PBX3: variants seen among roughly 807,000 people sequenced by gnomAD.
PBX3 encodes pre-B-cell leukemia transcription factor 3.
Under a neutral mutation model 48.5 loss-of-function variants are expected in PBX3, and 14 were observed. The observed-to-expected ratio is 0.29, with a 90% CI of 0.19 to 0.45. The LOEUF is 0.45. Among genes scored for constraint, PBX3 ranks in the 20% least tolerant of loss-of-function variants. PBX3 has a pLI of 1.00. For synonymous variants in PBX3, 210 were observed against 200.3 expected, an observed-to-expected ratio of 1.05 and a Z score of -0.41; for missense variants, 386 against 546.7, an observed-to-expected ratio of 0.71 and a Z score of 2.93.
chr9:125,943,441 G>A (rs1842005466), intron 5 of PBX3, among the ~76,000 whole-genome samples: 1 of 145,820 alleles, frequency 6.9e-6, no homozygotes, highest in Admixed American at 6.9e-5. Flanking sequence ...GGGTTTTTGA[G>A]TTTCCCTATA....
rs139733876 is a variant in PBX3 at position 125,771,917 on chromosome 9, T to C, written c.274+23294T>C. ...TAGTGCAAGGGTGAGAGGTTATCAT[T>C]TTAGCGTGCTGGGTAACCAGGGGGA... On this transcript the variant is annotated intron_variant, in intron 2 of 8. Coordinates refer to ENST00000373489, the MANE Select transcript of PBX3 (RefSeq NM_006195.6). Among the ~76,000 whole-genome samples, 11 of 152,314 alleles carry C rather than the reference T, an allele frequency of 7.2e-5. No individual in the cohort carries two copies. In the East Asian group the frequency reaches 2.1e-3, roughly 29 times the overall value.
chr9:125,834,429 C>T (rs1327570190), intron 2 of PBX3, among the ~76,000 whole-genome samples: 1 of 151,806 alleles, frequency 6.6e-6, no homozygotes, highest in Non-Finnish European at 1.5e-5. Context: ...GAGACCGAGT[C>T]TCACTCTGTC....
In PBX3 at chr9:125,962,186, C is replaced by A; in HGVS notation, c.1094C>A (p.Ser365Tyr). Residue 365 changes from serine to tyrosine, a missense_variant, in exon 7 of 9, where the codon TCC becomes TAC. Physicochemically the swap from Ser to Tyr is moderately radical, Grantham distance 144 (BLOSUM62 -2). Coordinates refer to ENST00000373489, the MANE Select transcript of PBX3 (RefSeq NM_006195.6). ...CTGAATGGGGATTCTTACCAAGGGT[C>A]CCAAGTCGGAGCCAATGTGCAATCA... ...QSLNGDSYQG[S>Y]QVGANVQSQV... 1 of 1,610,932 alleles carries A rather than the reference C, an allele frequency of 6.2e-7. No individual in the cohort carries two copies. Among genetic ancestry groups the A allele is most frequent in the East Asian group, 2.2e-5 (1 of 44,870 alleles).
intron 2 of PBX3, among the ~76,000 whole-genome samples, chr9:125,837,652 G>A (rs116440617): frequency 0.011 from 1,676 of 152,054 alleles, 30 homozygotes; most frequent in African/African-American, 0.039. Flanking sequence ...TTCCTAAACA[G>A]CAAAGGTCTC....
intron 2 of PBX3, among the ~76,000 whole-genome samples, chr9:125,842,790 G>T (rs1010247254): frequency 6.6e-5 from 10 of 152,032 alleles, no homozygotes; most frequent in Non-Finnish European, 1.5e-4. Flanking sequence ...TGGTTGTGTT[G>T]TTTTTGTGAA....
chr9:125,910,600 A>C lies in PBX3; in HGVS notation c.275-5086A>C, dbSNP rs552736054. On this transcript the variant is annotated intron_variant, in intron 2 of 8. Transcript: ENST00000373489. The stretch of plus-strand genomic sequence containing the variant: ...ATATTTAATATACCTGACATGAAAA[A>C]CGTGCACACACCACACAGTCACCTT... Among the ~76,000 whole-genome samples, 20 of 151,822 alleles carry C rather than the reference A, an allele frequency of 1.3e-4. 1 individual carries two copies. In the South Asian group the frequency reaches 4.2e-3, roughly 32 times the overall value.
chr9:125,756,310 TTC>T (rs1225526506), intron 2 of PBX3, among the ~76,000 whole-genome samples: 1 of 152,176 alleles, frequency 6.6e-6, no homozygotes, highest in Non-Finnish European at 1.5e-5. Context: ...CTCTGAATTT[TTC>T]TCTATAAAGC....
intron 2 of PBX3, among the ~76,000 whole-genome samples, chr9:125,756,658 A>C (rs1462326004): frequency 6.6e-6 from 1 of 152,200 alleles, no homozygotes; most frequent in African/African-American, 2.4e-5. Flanking sequence ...TAGTCACCAC[A>C]GCTGCCATGC....
At chr9:125,895,674 AAAG>A (rs1330296132) in intron 2 of PBX3, among the ~76,000 whole-genome samples, 1 of 152,110 alleles carries the variant, frequency 6.6e-6, no homozygotes, top group East Asian at 1.9e-4. Context: ...TTAAACATAA[AAAG>A]AAGAGCATTA....
At chr9:125,886,289 AAT>A (rs1405831216) in intron 2 of PBX3, among the ~76,000 whole-genome samples, 1 of 152,086 alleles carries the variant, frequency 6.6e-6, no homozygotes, top group Non-Finnish European at 1.5e-5. Context: ...CCCACTGTGG[AAT>A]AGTTTATATA....
At chr9:125,787,697 TGATA>T (rs1379693771) in intron 2 of PBX3, among the ~76,000 whole-genome samples, 3 of 152,172 alleles carry the variant, frequency 2.0e-5, no homozygotes, top group African/African-American at 4.8e-5. Context: ...AAGGAGTGGC[TGATA>T]GATGAGAAAA....
intron 2 of PBX3, among the ~76,000 whole-genome samples, chr9:125,773,982 AC>A (rs1327757772): frequency 6.6e-6 from 1 of 152,146 alleles, no homozygotes. Context: ...CTCTAAAGAA[AC>A]CCCATACCTA....
chr9:125,773,930 T>C (rs1271147718), intron 2 of PBX3, among the ~76,000 whole-genome samples: 1 of 152,238 alleles, frequency 6.6e-6, no homozygotes, highest in Non-Finnish European at 1.5e-5. Flanking sequence ...CACATTGTTG[T>C]ACAACCACCA....
intron 2 of PBX3, among the ~76,000 whole-genome samples, chr9:125,871,059 C>T (rs951733147): frequency 6.6e-6 from 1 of 151,992 alleles, no homozygotes; most frequent in African/African-American, 2.4e-5. Flanking sequence ...ATACCAGAGA[C>T]GTGTAAAAAG....
intron 2 of PBX3, among the ~76,000 whole-genome samples, chr9:125,771,947 A>G (rs1399718079): frequency 1.3e-5 from 2 of 152,312 alleles, no homozygotes; most frequent in Middle Eastern, 3.4e-3. Context: ...GGGGGACCCC[A>G]GTGTGACCTG....
At chr9:125,875,465 CA>C (rs754258747) in intron 2 of PBX3, among the ~76,000 whole-genome samples, 233 of 151,872 alleles carry the variant, frequency 1.5e-3, no homozygotes, top group Admixed American at 3.4e-3. Context: ...AACAACTTTG[CA>C]AAAAAGTATG....
At chr9:125,878,332 T>C (rs1840303647) in intron 2 of PBX3, among the ~76,000 whole-genome samples, 3 of 152,016 alleles carry the variant, frequency 2.0e-5, no homozygotes, top group Non-Finnish European at 2.9e-5. Context: ...GGGAGGGAAA[T>C]TTCATAATGA....
intron 4 of PBX3, among the ~76,000 whole-genome samples, chr9:125,931,058 A>G (rs1473821970): frequency 6.6e-6 from 1 of 152,220 alleles, no homozygotes; most frequent in Non-Finnish European, 1.5e-5. Flanking sequence ...GAAGGATAAA[A>G]GTTAACCTCA....
chr9:125,747,479 A>G lies in PBX3; in HGVS notation c.26A>G (p.Gln9Arg). The G allele has an allele frequency of 1.3e-6, 2 of 1,577,656 alleles. No individual in the cohort carries two copies. Among genetic ancestry groups the G allele is most frequent in the East Asian group, 2.5e-5 (1 of 40,258 alleles). The change falls in exon 1 of 9, where the codon CAG (glutamine) becomes CGG (arginine). Residue 9 changes from glutamine (Q) to arginine (R), a missense_variant. By Grantham distance (43) the Gln-to-Arg change is conservative. This residue lies in a region of PBX3 where 116 missense variants were observed against 98.2 expected (regional missense o/e 1.18). Coordinates refer to ENST00000373489, the MANE Select transcript of PBX3 (RefSeq NM_006195.6). ...ATGGACGATCAATCCAGGATGCTGCAGACTCTGGCCGGGGTGAACCTGGCT... is the reference window on the plus strand; with the variant it reads ...ATGGACGATCAATCCAGGATGCTGCGGACTCTGGCCGGGGTGAACCTGGCT... MDDQSRML[Q>R]TLAGVNLAGH... is the part of the protein sequence containing the mutation.
Sources: allele counts gnomAD v4.1 joint callset (sites outside exome capture counted in the v4.1 genomes callset), GRCh38; gene constraint gnomAD v4.1.1; regional missense constraint gnomAD v4.1.1; transcripts MANE v1.5; gene names NCBI Gene and HGNC (gene_info 2026-07-23, HGNC 2026-07-21).